The following SRPRA variants were observed in gnomAD, a reference collection of about 807,000 sequenced individuals.
SRPRA encodes signal recognition particle receptor subunit alpha.
Under a neutral mutation model 61.1 loss-of-function variants are expected in SRPRA, and 30 were observed. The observed-to-expected ratio is 0.49, with a 90% confidence interval of 0.37 to 0.67. The LOEUF is 0.67. Among genes scored for constraint, SRPRA ranks in the 30% least tolerant of loss-of-function variants. The pLI is 0.00. For synonymous variants in SRPRA, 324 were observed against 299.7 expected, an observed-to-expected ratio of 1.08 and a Z score of -0.84; for missense variants, 759 against 828.4, an observed-to-expected ratio of 0.92 and a Z score of 1.03.
In SRPRA at chr11:126,268,843, T is replaced by C. The variant is rs1226752842; in HGVS notation, c.-39A>G. ...GAGGAGCTGGGGCCGGCGCCGGGAA[T>C]TCAGGCCGCGTTCGCCGCCGCTTCC... On this transcript the variant is annotated 5_prime_UTR_variant, in exon 1 of 14. Transcript: ENST00000332118. 3 of 1,557,780 alleles carry C rather than the reference T, an allele frequency of 1.9e-6. No individual in the cohort carries two copies. Among genetic ancestry groups the C allele is most frequent in the African/African-American group, 1.4e-5 (1 of 73,912 alleles).
Position 126,263,581 on chromosome 11 carries a change from A to G in SRPRA, c.*335T>C, listed in dbSNP as rs1950747077. On this transcript the variant is annotated 3_prime_UTR_variant, in exon 14 of 14. Transcript: ENST00000332118. ...TTAGGCTCAGACGGCTCTTGACCAC[A>G]CTAATTATTAGCAAAGCTCTGGTGT... The G allele has an allele frequency of 8.1e-6, 2 of 246,802 alleles. No individual in the cohort carries two copies. Among genetic ancestry groups the G allele is most frequent in the South Asian group, 5.8e-5 (1 of 17,096 alleles). The allele number at this position is 246,802 out of a possible 1,614,324, so 15.3% of individuals were successfully genotyped here.
At chr11:126,239,019 C>A in the SRPRA span, among the ~76,000 whole-genome samples, 2 of 145,938 alleles carry the variant, frequency 1.4e-5, no homozygotes, top group African/African-American at 2.6e-5. Context: ...GTCACCCAGG[C>A]TGGAGTGCAG....
Position 126,268,680 on chromosome 11 carries a change from G to T in SRPRA, c.117+8C>A. ...GAGCCTGGAGTTCTGATCCCACGGG[G>T]ACGGTACCTGCAGCAGCACGGAACG... On this transcript the variant is annotated splice_region_variant and intron_variant, in intron 1 of 13. Coordinates refer to ENST00000332118, the MANE Select transcript of SRPRA (RefSeq NM_003139.4). 1 of 1,610,758 alleles carries T rather than the reference G, an allele frequency of 6.2e-7. No homozygotes were observed. Among genetic ancestry groups the T allele is most frequent in the African/African-American group, 1.3e-5 (1 of 75,002 alleles).
At position 126,267,127 on chromosome 11, in the gene SRPRA, G is replaced by T; in HGVS notation, c.526+48C>A. ...AAGGACCACCTCAGTCCTTAGCACC[G>T]TGTTAACACCTTTCATGTCCCAGTA... On this transcript the variant is annotated intron_variant, in intron 4 of 13. Transcript: ENST00000332118. This position sits in a 1 kb window ranked among gnomAD's most constrained non-coding sequence, Gnocchi z 4.2. The T allele has an allele frequency of 6.2e-7, 1 of 1,610,354 alleles. No homozygotes were observed.
chr11:126,254,811 A>G, the SRPRA span, among the ~76,000 whole-genome samples: 1 of 152,184 alleles, frequency 6.6e-6, no homozygotes, highest in Non-Finnish European at 1.5e-5. Flanking sequence ...TGGGTGACAG[A>G]GCAAGGCCCT....
chr11:126,247,809 G>T, the SRPRA span, among the ~76,000 whole-genome samples: 1 of 144,234 alleles, frequency 6.9e-6, no homozygotes, highest in Non-Finnish European at 1.5e-5. Flanking sequence ...AGTGAGCTGA[G>T]ACCACGCCAC....
chr11:126,263,682 G>T lies in SRPRA; in HGVS notation c.*234C>A. On this transcript the variant is annotated 3_prime_UTR_variant, in exon 14 of 14. Transcript: ENST00000332118. ...AGTGAAGGGGGTGCCTGAGTAGGAA[G>T]GGGGAGGCCCGCTGGGAGAGGGTCA... The T allele has an allele frequency of 1.9e-6, 1 of 535,360 alleles. No homozygotes were observed. Among genetic ancestry groups the T allele is most frequent in the Non-Finnish European group, 3.3e-6 (1 of 304,566 alleles). The allele number at this position is 535,360 out of a possible 1,614,324, so 33.2% of individuals were successfully genotyped here.
In SRPRA at chr11:126,267,046, G is replaced by C; in HGVS notation, c.527-124C>G. On this transcript the variant is annotated intron_variant, in intron 4 of 13. Coordinates refer to ENST00000332118, the MANE Select transcript of SRPRA (RefSeq NM_003139.4). This position sits in a 1 kb window ranked among gnomAD's most constrained non-coding sequence, Gnocchi z 4.2. ...AAACATCTTGGAGTTCATAAGGCCT[G>C]GGGATTATAGGATGGTGACCATTTG... 1 of 1,518,890 alleles carries C rather than the reference G, an allele frequency of 6.6e-7. No individual in the cohort carries two copies. The highest frequency in any genetic ancestry group is 8.9e-7 in the Non-Finnish European group (1 of 1,126,990). 94.1% of individuals were successfully genotyped at this position (1,518,890 alleles called of 1,614,324 possible). A position where few individuals can be genotyped will look rare whatever the true frequency, so the allele number is the denominator to read the frequency against.
chr11:126,268,769 C>G lies in SRPRA; in HGVS notation c.36G>C (p.Gly12=). Residue 12 remains glycine, a synonymous_variant, in exon 1 of 14, where the codon GGG becomes GGC. Coordinates refer to ENST00000332118, the MANE Select transcript of SRPRA (RefSeq NM_003139.4). ...LDFFTIFSKG[G]LVLWCFQGVS... The stretch of plus-strand genomic sequence containing the variant: ...CGCCCTGGAAGCACCAGAGCACAAG[C>G]CCGCCCTTGGAGAAAATGGTGAAGA... 6.2e-7 allele frequency: 1 copy of G among 1,613,822 alleles called. No homozygotes were observed. Among genetic ancestry groups the G allele is most frequent in the Non-Finnish European group, 8.5e-7 (1 of 1,180,040 alleles).
At chr11:126,253,412 A>G in the SRPRA span, among the ~76,000 whole-genome samples, 2 of 152,220 alleles carry the variant, frequency 1.3e-5, no homozygotes, top group Non-Finnish European at 1.5e-5. This position sits in a 1 kb window ranked among gnomAD's most constrained non-coding sequence, Gnocchi z 5.1. Flanking sequence ...TCCTTGGGAA[A>G]ATGGAGCCAT....
downstream of SRPRA, chr11:126,261,062 A>G (rs1285097033): frequency 1.1e-5 from 2 of 180,382 alleles, no homozygotes; most frequent in South Asian, 1.8e-4. Flanking sequence ...GCTCACTCAC[A>G]TGCCATTTGC....
At chr11:126,259,320 A>C (rs535012440), downstream of SRPRA, among the ~76,000 whole-genome samples, 15 of 152,322 alleles carry the variant, frequency 9.8e-5, no homozygotes, top group Admixed American at 5.2e-4. Context: ...ATTGTCTTCA[A>C]AGGATTCTAT....
At chr11:126,261,569 T>A (rs1241129097), downstream of SRPRA, 5 of 1,171,112 alleles carry the variant, frequency 4.3e-6, no homozygotes, top group East Asian at 9.7e-5. Flanking sequence ...AGAATGTTAC[T>A]TTGGACCTCA....
chr11:126,267,312 A>C lies in SRPRA; in HGVS notation c.389T>G (p.Ile130Ser), dbSNP rs1278714647. 2 of 1,613,954 alleles carry C rather than the reference A, an allele frequency of 1.2e-6. No individual in the cohort carries two copies. Among genetic ancestry groups the C allele is most frequent in the African/African-American group, 2.7e-5 (2 of 74,894 alleles). The change falls in exon 4 of 14, where the codon ATC becomes AGC. Residue 130 changes from isoleucine (I) to serine (S), a missense_variant. By Grantham distance (142) the Ile-to-Ser change is moderately radical. Around this residue, in one of 2 missense-constraint regions of SRPRA, gnomAD observed 475 missense variants for 462.5 expected, o/e 1.03. Coordinates refer to ENST00000332118, the MANE Select transcript of SRPRA (RefSeq NM_003139.4). The surrounding 1 kb of genome is among the most constrained non-coding windows in gnomAD (Gnocchi z 4.2). ...LLREAEESSK[I>S]RAPTTMKKFE... ...TTTCTTCATGGTAGTGGGAGCACGGATCTTACTGCTCTCCTCTGCTTCACT... is the reference window on the plus strand; with the variant it reads ...TTTCTTCATGGTAGTGGGAGCACGGCTCTTACTGCTCTCCTCTGCTTCACT...
At chr11:126,241,558 A>AT in the SRPRA span, among the ~76,000 whole-genome samples, 440 of 151,100 alleles carry the variant, frequency 2.9e-3, no homozygotes, top group African/African-American at 9.9e-3. Flanking sequence ...TTATTTATTT[A>AT]TTTATTTTTT....
the SRPRA span, among the ~76,000 whole-genome samples, chr11:126,238,972 C>A: frequency 7.7e-6 from 1 of 129,878 alleles, no homozygotes; most frequent in African/African-American, 2.8e-5. Context: ...AAGTGGAAGT[C>A]TTTTTTTTTT....
At chr11:126,236,265 G>A in the SRPRA span, among the ~76,000 whole-genome samples, 1 of 152,108 alleles carries the variant, frequency 6.6e-6, no homozygotes, top group Non-Finnish European at 1.5e-5. Context: ...CCTAAGTAAG[G>A]ACCCATAGGA....
the SRPRA span, among the ~76,000 whole-genome samples, chr11:126,246,567 A>G: frequency 6.6e-6 from 1 of 152,146 alleles, no homozygotes; most frequent in Non-Finnish European, 1.5e-5. Context: ...AGAAATGTTA[A>G]TAACCCTGGG....
chr11:126,254,570 T>C, the SRPRA span: 1 of 1,188,830 alleles, frequency 8.4e-7, no homozygotes, highest in Non-Finnish European at 1.2e-6. Context: ...CAGTGGCTCA[T>C]GCCTATAATC....
Sources: gnomAD v4.1 joint callset for allele counts (sites outside exome capture counted in the v4.1 genomes callset) on GRCh38, gnomAD v4.1.1 for gene constraint, gnomAD v4.1.1 regional missense constraint, Gnocchi (gnomAD v3.1) non-coding constraint, MANE v1.5 for transcripts, NCBI Gene and HGNC (gene_info 2026-07-23, HGNC 2026-07-21) for gene names.